Variants in ST3GAL3 observed in about 807,000 individuals in gnomAD.
ST3GAL3 encodes the protein ST3 beta-galactoside alpha-2,3-sialyltransferase 3.
ST3GAL3 carries 21 observed loss-of-function variants against 50.1 expected under a neutral mutation model. The ratio of observed to expected loss-of-function variants is 0.42; its 90% CI spans 0.30 to 0.60. The LOEUF (loss-of-function observed/expected upper bound fraction) is 0.60, where lower values mean the gene tolerates loss of function less well. Ranked by LOEUF, ST3GAL3 falls within the 20% of genes least tolerant of loss-of-function variation. The probability of loss-of-function intolerance (pLI) is 0.19; values close to 1 mark genes in which losing one functional copy is unlikely to be tolerated. For synonymous variants in ST3GAL3, 183 were observed against 190.0 expected, an observed-to-expected ratio of 0.96 and a Z score of 0.30; for missense variants, 353 against 489.4, an observed-to-expected ratio of 0.72 and a Z score of 2.63.
chr1:43,728,777 TAC>T (rs1365026966), intron 1 of ST3GAL3, among the ~76,000 whole-genome samples: 1 of 152,192 alleles, frequency 6.6e-6, no homozygotes, highest in African/African-American at 2.4e-5. Flanking sequence ...CACACAAATG[TAC>T]ACACACTATC....
chr1:43,915,808 C>G (rs1422130165), intron 9 of ST3GAL3, among the ~76,000 whole-genome samples: 1 of 152,182 alleles, frequency 6.6e-6, no homozygotes, highest in African/African-American at 2.4e-5. Flanking sequence ...CATGGAAAAT[C>G]ATTCTGGCAG....
At chr1:43,835,342 C>T (rs951746672) in intron 4 of ST3GAL3, among the ~76,000 whole-genome samples, 2 of 152,166 alleles carry the variant, frequency 1.3e-5, no homozygotes, top group Non-Finnish European at 2.9e-5. Context: ...GAATCCCCAA[C>T]ACTCCCCCTA....
intron 3 of ST3GAL3, among the ~76,000 whole-genome samples, chr1:43,796,868 T>A (rs1018199466): frequency 1.3e-5 from 2 of 152,180 alleles, no homozygotes; most frequent in African/African-American, 4.8e-5. Context: ...TTGAAATGAA[T>A]AGAAAACTAG....
chr1:43,838,303 C>G lies in ST3GAL3; in HGVS notation c.294C>G (p.Ile98Met). 6.2e-7 allele frequency: 1 copy of G among 1,613,592 alleles called. No individual in the cohort carries two copies. The change falls in exon 5 of 12, where the codon ATC (isoleucine) becomes ATG (methionine). Residue 98 changes from isoleucine (I) to methionine (M), a missense_variant. Ile to Met is a conservative substitution (Grantham distance 10). Coordinates refer to ENST00000347631, the MANE Select transcript of ST3GAL3 (RefSeq NM_006279.5). ...PGYASALMTAIFPRFSKPAPM... is the reference protein window; with the variant it reads ...PGYASALMTAMFPRFSKPAPM... Reference sequence around the variant, plus strand: ...ATGCTTCAGCCTTGATGACGGCCATCTTCCCCCGGTAAGTGCTCCTGTTTC... The same window carrying G: ...ATGCTTCAGCCTTGATGACGGCCATGTTCCCCCGGTAAGTGCTCCTGTTTC...
intron 10 of ST3GAL3, 58 bp from the exon 11 acceptor site, chr1:43,920,724 T>C: frequency 6.2e-7 from 1 of 1,612,646 alleles, no homozygotes; most frequent in South Asian, 1.1e-5. Context: ...GTCTCAGCTG[T>C]CCCAGCCCTC....
chr1:43,917,380 T>A (rs1237072540), intron 9 of ST3GAL3, among the ~76,000 whole-genome samples: 1 of 137,238 alleles, frequency 7.3e-6, no homozygotes, highest in Non-Finnish European at 1.5e-5. Flanking sequence ...ATGCATTTCT[T>A]ACTATTTGTG....
intron 5 of ST3GAL3, among the ~76,000 whole-genome samples, chr1:43,891,619 T>A (rs2076693248): frequency 6.6e-6 from 1 of 152,108 alleles, no homozygotes; most frequent in African/African-American, 2.4e-5. Flanking sequence ...AAAATTACAA[T>A]AGATTGACAT....
chr1:43,923,608 C>T (rs918851174), intron 11 of ST3GAL3, among the ~76,000 whole-genome samples: 1 of 152,046 alleles, frequency 6.6e-6, no homozygotes, highest in Non-Finnish European at 1.5e-5. Flanking sequence ...CAAGGCAGCT[C>T]TCCTGAGTCT....
In ST3GAL3 at chr1:43,930,566, G is replaced by A; in HGVS notation, c.*345G>A. 4.9e-6 allele frequency: 2 copies of A among 405,638 alleles called. No homozygotes were observed. Among genetic ancestry groups the A allele is most frequent in the South Asian group, 4.6e-5 (2 of 43,734 alleles). 25.1% of individuals were successfully genotyped at this position (405,638 alleles called of 1,614,324 possible). ...TATCATTTTGTGAATTTGGGTAGGG[G>A]GGAGGGTAGGGATAATTTATTTTTA... On this transcript the variant is annotated 3_prime_UTR_variant, in exon 12 of 12. Coordinates refer to ENST00000347631, the MANE Select transcript of ST3GAL3 (RefSeq NM_006279.5).
chr1:43,719,670 AAAAAG>A (rs1669338922), intron 1 of ST3GAL3, among the ~76,000 whole-genome samples: 1 of 145,670 alleles, frequency 6.9e-6, no homozygotes, highest in Non-Finnish European at 1.5e-5. Flanking sequence ...GTCTCAAAAA[AAAAAG>A]AATAAGCGGT....
At chr1:43,787,225 TG>T (rs1160686433) in intron 2 of ST3GAL3, among the ~76,000 whole-genome samples, 2 of 152,224 alleles carry the variant, frequency 1.3e-5, no homozygotes, top group African/African-American at 4.8e-5. Context: ...TGGCTGCCTC[TG>T]GCCTGGGAGC....
chr1:43,905,489 C>G (rs1183041188), intron 9 of ST3GAL3, among the ~76,000 whole-genome samples: 2 of 141,916 alleles, frequency 1.4e-5, no homozygotes, highest in Admixed American at 1.4e-4. Flanking sequence ...CCCCTTCCCA[C>G]CACTCTTCCT....
chr1:43,807,067 A>C (rs927014757), intron 3 of ST3GAL3, among the ~76,000 whole-genome samples: 1 of 152,218 alleles, frequency 6.6e-6, no homozygotes, highest in Non-Finnish European at 1.5e-5. Context: ...GAAAGATAAA[A>C]CAGTTCAGCC....
intron 3 of ST3GAL3, among the ~76,000 whole-genome samples, chr1:43,807,123 A>T (rs1452148079): frequency 6.6e-6 from 1 of 152,172 alleles, no homozygotes; most frequent in Non-Finnish European, 1.5e-5. Flanking sequence ...GGAATCAAGA[A>T]GTGAAGTAGG....
At chr1:43,889,158 T>C (rs942351620) in intron 5 of ST3GAL3, among the ~76,000 whole-genome samples, 1 of 151,792 alleles carries the variant, frequency 6.6e-6, no homozygotes, top group Non-Finnish European at 1.5e-5. Context: ...CAAAACAGTA[T>C]GTATACTGTG....
At position 43,798,178 on chromosome 1, in the gene ST3GAL3, G is replaced by A. The variant is rs543879062; in HGVS notation, c.166+6029G>A. Among the ~76,000 whole-genome samples, 4 of 152,146 alleles carry A rather than the reference G, an allele frequency of 2.6e-5. No individual in the cohort carries two copies. The East Asian group carries it at 7.7e-4, about 29-fold the overall frequency. ...TCCCCCTTTCCTGTCTTCACAATGT[G>A]TTCTTCTCTAGCCGCTTCTTTCTAG... On this transcript the variant is annotated intron_variant, in intron 3 of 11. Transcript: ENST00000347631.
At chr1:43,772,597 C>G (rs1183037373) in intron 2 of ST3GAL3, 1 of 152,166 alleles carries the variant, frequency 6.6e-6, no homozygotes, top group African/African-American at 2.4e-5. Context: ...GATCATAGCT[C>G]ACTGCAGCCT....
intron 5 of ST3GAL3, among the ~76,000 whole-genome samples, chr1:43,874,519 C>T (rs953820618): frequency 1.3e-5 from 2 of 152,036 alleles, no homozygotes; most frequent in Non-Finnish European, 2.9e-5. Flanking sequence ...ATTTTAAAAC[C>T]TTAAAAAAGA....
chr1:43,857,545 C>T (rs1380681988), intron 5 of ST3GAL3, among the ~76,000 whole-genome samples: 3 of 114,528 alleles, frequency 2.6e-5, no homozygotes, highest in African/African-American at 6.4e-5. Context: ...CTCCCTCCCT[C>T]CCTTCCTTCC....
Sources: allele counts gnomAD v4.1 joint callset (sites outside exome capture counted in the v4.1 genomes callset), GRCh38; gene constraint gnomAD v4.1.1; transcripts MANE v1.5; gene names NCBI Gene and HGNC (gene_info 2026-07-23, HGNC 2026-07-21).